The following SUSD6 variants were observed in gnomAD, a reference collection of about 807,000 sequenced individuals.
SUSD6 encodes sushi domain-containing protein 6.
In SUSD6, 16 loss-of-function variants were observed where a neutral mutation model predicts 28.4. The observed-to-expected ratio is 0.56, with a 90% CI of 0.38 to 0.86. SUSD6 has a LOEUF of 0.86. SUSD6 is among the 40% of genes least tolerant of loss of function. The pLI, the probability that SUSD6 is intolerant of heterozygous loss-of-function variation, is 0.00. For missense variants in SUSD6, 341 were observed against 384.2 expected (o/e 0.89, Z 0.94); for synonymous variants, 147 against 159.6 (o/e 0.92, Z 0.59).
At chr14:69,699,268 A>G (rs779110039) in intron 2 of SUSD6, among the ~76,000 whole-genome samples, 3 of 151,964 alleles carry the variant, frequency 2.0e-5, no homozygotes, top group South Asian at 2.1e-4. Flanking sequence ...CAGTGGTGCA[A>G]TCTCAGCTCA....
At chr14:69,661,626 G>A (rs981330111) in intron 2 of SUSD6, among the ~76,000 whole-genome samples, 7 of 152,116 alleles carry the variant, frequency 4.6e-5, no homozygotes, top group Admixed American at 4.6e-4. Flanking sequence ...GTAGCTTCTA[G>A]GGGAGTAGGT....
chr14:69,670,388 T>C (rs1374940452), intron 2 of SUSD6: 4 of 447,158 alleles, frequency 8.9e-6, no homozygotes, highest in Non-Finnish European at 1.8e-5. Context: ...ATGTGATACA[T>C]GCTATAATCA....
Position 69,713,431 on chromosome 14 carries a change from C to T in SUSD6, c.*2452C>T, listed in dbSNP as rs1359326949. On this transcript the variant is annotated 3_prime_UTR_variant, in exon 6 of 6. Coordinates refer to ENST00000342745, the MANE Select transcript of SUSD6 (RefSeq NM_014734.4). ...GCCCACTTCCCAGAGGCTCCTGGGCCTGTGAGTGCAGGAGCTCATTCTCCC... is the reference window on the plus strand; with the variant it reads ...GCCCACTTCCCAGAGGCTCCTGGGCTTGTGAGTGCAGGAGCTCATTCTCCC... The T allele has an allele frequency of 6.6e-6, 1 of 152,292 alleles. No individual in the cohort carries two copies. The highest frequency in any genetic ancestry group is 1.5e-5 in the Non-Finnish European group (1 of 68,086). 9.4% of individuals were successfully genotyped at this position (152,292 alleles called of 1,614,324 possible).
intron 2 of SUSD6, among the ~76,000 whole-genome samples, chr14:69,694,057 C>A (rs915202118): frequency 6.6e-6 from 1 of 151,036 alleles, no homozygotes; most frequent in Admixed American, 6.7e-5. Flanking sequence ...TACTAAGCAT[C>A]TACTATCTCC....
At position 69,714,965 on chromosome 14, in the gene SUSD6, C is replaced by T. The variant is rs1306022879; in HGVS notation, c.*3986C>T. The T allele has an allele frequency of 2.6e-5, 4 of 152,168 alleles. No individual in the cohort carries two copies. Among genetic ancestry groups the T allele is most frequent in the Non-Finnish European group, 4.4e-5 (3 of 68,034 alleles). 9.4% of individuals were successfully genotyped at this position (152,168 alleles called of 1,614,324 possible). On this transcript the variant is annotated 3_prime_UTR_variant, in exon 6 of 6. Transcript: ENST00000342745. The stretch of plus-strand genomic sequence containing the variant: ...TCATAATTGACTCTGTGCAGGATGT[C>T]ACTCAATCAGTTTGGGTTTGCTTTA...
At chr14:69,679,140 C>G (rs536928844) in intron 2 of SUSD6, among the ~76,000 whole-genome samples, 2 of 152,278 alleles carry the variant, frequency 1.3e-5, no homozygotes, top group South Asian at 4.1e-4. Context: ...ATTATCCTCT[C>G]CCAATTTGTA....
chr14:69,709,176 G>A (rs1886428412), intron 5 of SUSD6, 72 bp downstream of exon 5: 1 of 1,326,960 alleles, frequency 7.5e-7, no homozygotes. Context: ...AGGACTGTGA[G>A]CCTTTCTAAA....
chr14:69,660,917 G>A lies in SUSD6; in HGVS notation c.121+2204G>A, dbSNP rs74060259. Among the ~76,000 whole-genome samples the A allele has an allele frequency of 2.8e-3, 431 of 152,294 alleles. 4 individuals are homozygous for A. The highest frequency in any genetic ancestry group is 1.0e-2 in the African/African-American group (414 of 41,562). The stretch of plus-strand genomic sequence containing the variant: ...TGGCCTGAAAAGCCTAAAATGTTGA[G>A]GCTTTAAAATATTTGGGTCTTTGTA... On this transcript the variant is annotated intron_variant, in intron 2 of 5. Coordinates refer to ENST00000342745, the MANE Select transcript of SUSD6 (RefSeq NM_014734.4).
chr14:69,677,696 G>T (rs1339892047), intron 2 of SUSD6, among the ~76,000 whole-genome samples: 1 of 152,186 alleles, frequency 6.6e-6, no homozygotes, highest in Non-Finnish European at 1.5e-5. Flanking sequence ...AAACAGATCT[G>T]CCAGAGGATT....
chr14:69,614,290 C>T (rs568614088), intron 1 of SUSD6, among the ~76,000 whole-genome samples: 140 of 152,326 alleles, frequency 9.2e-4, no homozygotes, highest in Non-Finnish European at 1.7e-3. Flanking sequence ...TGGTCTCGAA[C>T]GCCTGACCTC....
chr14:69,621,903 G>T (rs1424170960), intron 1 of SUSD6, among the ~76,000 whole-genome samples: 1 of 152,130 alleles, frequency 6.6e-6, no homozygotes, highest in Non-Finnish European at 1.5e-5. Flanking sequence ...TGGGTTATAC[G>T]TGAGCAATTG....
At chr14:69,702,910 A>C (rs1566607610) in intron 2 of SUSD6, among the ~76,000 whole-genome samples, 2 of 152,276 alleles carry the variant, frequency 1.3e-5, no homozygotes, top group East Asian at 3.9e-4. Flanking sequence ...GGGGTTTGGG[A>C]AGCCTCCCAG....
In SUSD6 at chr14:69,711,722, G is replaced by A. The variant is rs1468552576; in HGVS notation, c.*743G>A. 1 of 152,302 alleles carries A rather than the reference G, an allele frequency of 6.6e-6. No homozygotes were observed. The highest frequency in any genetic ancestry group is 1.5e-5 in the Non-Finnish European group (1 of 68,076). The allele number at this position is 152,302 out of a possible 1,614,324, so 9.4% of individuals were successfully genotyped here. On this transcript the variant is annotated 3_prime_UTR_variant, in exon 6 of 6. Coordinates refer to ENST00000342745, the MANE Select transcript of SUSD6 (RefSeq NM_014734.4). ...GCCCTGTTGAGTTGAGAGTTTCCAA[G>A]AAGCATCCAGAAGATCCCAAGGGAG...
intron 1 of SUSD6, among the ~76,000 whole-genome samples, chr14:69,616,046 G>T (rs1884955445): frequency 1.3e-5 from 2 of 152,134 alleles, no homozygotes; most frequent in African/African-American, 4.8e-5. Flanking sequence ...TTTTGGCAAA[G>T]CCTCCTTCCT....
rs1886499242 is a variant in SUSD6, at chr14:69,713,496, T to C, written c.*2517T>C. 6.6e-6 allele frequency: 1 copy of C among 152,378 alleles called. No homozygotes were observed. The highest frequency in any genetic ancestry group is 6.5e-5 in the Admixed American group (1 of 15,288). 9.4% of individuals were successfully genotyped at this position (152,378 alleles called of 1,614,324 possible). A position where few individuals can be genotyped will look rare whatever the true frequency, so the allele number is the denominator to read the frequency against. On this transcript the variant is annotated 3_prime_UTR_variant, in exon 6 of 6. Coordinates refer to ENST00000342745, the MANE Select transcript of SUSD6 (RefSeq NM_014734.4). ...CTGTGACAGCTTCTTCCTCCAGTTA[T>C]GTCTTTCTTCCAAAGCAATTTCTTA...
At chr14:69,660,198 C>T (rs978978106) in intron 2 of SUSD6, among the ~76,000 whole-genome samples, 1 of 152,216 alleles carries the variant, frequency 6.6e-6, no homozygotes, top group Non-Finnish European at 1.5e-5. Flanking sequence ...TCTCTATCAG[C>T]TCCCACCACC....
At chr14:69,689,026 TC>T (rs1038840134) in intron 2 of SUSD6, among the ~76,000 whole-genome samples, 6 of 152,188 alleles carry the variant, frequency 3.9e-5, no homozygotes, top group African/African-American at 1.4e-4. Context: ...TACCACCTCT[TC>T]TTGATTCTCT....
intron 2 of SUSD6, among the ~76,000 whole-genome samples, chr14:69,679,908 A>G (rs1885973802): frequency 1.3e-5 from 2 of 152,210 alleles, no homozygotes; most frequent in African/African-American, 4.8e-5. Flanking sequence ...TTCAACCACT[A>G]GGAATAGTTT....
intron 1 of SUSD6, among the ~76,000 whole-genome samples, chr14:69,635,601 A>C (rs1331396810): frequency 1.9e-5 from 1 of 53,468 alleles, no homozygotes; most frequent in African/African-American, 8.6e-5. Flanking sequence ...CACACCACAC[A>C]CACACACACA....
Sources: gnomAD v4.1 joint callset for allele counts (sites outside exome capture counted in the v4.1 genomes callset) on GRCh38, gnomAD v4.1.1 for gene constraint, MANE v1.5 for transcripts, NCBI Gene and HGNC (gene_info 2026-07-23, HGNC 2026-07-21) for gene names.